LATS2: variants seen among roughly 807,000 people sequenced by gnomAD.
LATS2 encodes the protein serine/threonine-protein kinase LATS2.
LATS2 carries 24 observed loss-of-function variants against 76.0 expected under a neutral mutation model. That is an observed-to-expected ratio of 0.32 (90% CI 0.23 to 0.44). The LOEUF is 0.44. Ranked by LOEUF, LATS2 falls within the 20% of genes least tolerant of loss-of-function variation. LATS2 has a pLI of 1.00. For missense variants in LATS2, 1,286 were observed against 1,481.2 expected (o/e 0.87, Z 2.16); for synonymous variants, 692 against 635.4 (o/e 1.09, Z -1.34).
intron 2 of LATS2, among the ~76,000 whole-genome samples, chr13:21,037,646 G>C (rs1378097864): frequency 1.3e-5 from 2 of 152,146 alleles, no homozygotes; most frequent in African/African-American, 4.8e-5. Flanking sequence ...GAAAATTATG[G>C]TGTCACGGGA....
At chr13:21,005,187 T>C (rs1189114312) in intron 2 of LATS2, 1 of 152,174 alleles carries the variant, frequency 6.6e-6, no homozygotes, top group Admixed American at 6.5e-5. Flanking sequence ...AAACCCACTT[T>C]AAAAGAATGA....
chr13:21,055,637 C>T lies in LATS2; in HGVS notation c.-205+5709G>A, dbSNP rs552989811. On this transcript the variant is annotated intron_variant, in intron 1 of 7. Coordinates refer to ENST00000382592, the MANE Select transcript of LATS2 (RefSeq NM_014572.3). ...TCAAGAATTTTTATTCTAATTTATC[C>T]TAGTGCTTCACAAACCCACACTGGC... is the stretch of plus-strand genomic sequence containing the variant. 5.9e-5 allele frequency among the ~76,000 whole-genome samples: 9 copies of T among 152,246 alleles called. No homozygotes were observed. The South Asian group carries it at 1.9e-3, about 32-fold the overall frequency.
intron 2 of LATS2, among the ~76,000 whole-genome samples, chr13:21,034,809 G>A (rs1006353113): frequency 6.6e-6 from 1 of 152,096 alleles, no homozygotes; most frequent in East Asian, 1.9e-4. Context: ...CACAGTACAG[G>A]AAAGTCATCA....
chr13:21,028,912 A>G (rs989275875), intron 2 of LATS2, among the ~76,000 whole-genome samples: 1 of 152,162 alleles, frequency 6.6e-6, no homozygotes, highest in Non-Finnish European at 1.5e-5. Flanking sequence ...CAAAAAAACT[A>G]CTGATTTTTG....
At chr13:20,979,928 G>C (rs1463647951) in intron 6 of LATS2, 131 bp from the exon 7 acceptor site, 6 of 499,100 alleles carry the variant, frequency 1.2e-5, no homozygotes, top group Non-Finnish European at 1.8e-5. Context: ...CTGTGCGCAA[G>C]ATGGACCTAT....
At chr13:21,014,271 G>C (rs1235387271) in intron 2 of LATS2, among the ~76,000 whole-genome samples, 1 of 152,102 alleles carries the variant, frequency 6.6e-6, no homozygotes, top group Non-Finnish European at 1.5e-5. Flanking sequence ...TTCTCCCACA[G>C]ATGCCAGCAA....
chr13:21,034,561 G>A (rs1199098943), intron 2 of LATS2, among the ~76,000 whole-genome samples: 1 of 152,164 alleles, frequency 6.6e-6, no homozygotes, highest in Non-Finnish European at 1.5e-5. Context: ...GTGGCAGATA[G>A]AGAGAGAAGG....
chr13:21,030,591 CAA>C (rs374884189), intron 2 of LATS2, among the ~76,000 whole-genome samples: 2 of 25,726 alleles, frequency 7.8e-5, no homozygotes, highest in African/African-American at 2.1e-4. Context: ...GACTCCGTCT[CAA>C]AAAAAAAAAA....
chr13:21,040,368 C>A (rs930705669), intron 2 of LATS2, among the ~76,000 whole-genome samples: 3 of 146,650 alleles, frequency 2.0e-5, no homozygotes, highest in African/African-American at 7.8e-5. Flanking sequence ...CGGCGACAGA[C>A]CTTGTCTCAA....
chr13:21,055,125 T>G (rs1212651926), intron 1 of LATS2, among the ~76,000 whole-genome samples: 1 of 152,264 alleles, frequency 6.6e-6, no homozygotes, highest in Admixed American at 6.5e-5. Flanking sequence ...TTGAAGACAG[T>G]TGATTTCATG....
At chr13:21,056,938 A>C (rs1004744286) in intron 1 of LATS2, among the ~76,000 whole-genome samples, 1 of 152,236 alleles carries the variant, frequency 6.6e-6, no homozygotes, top group African/African-American at 2.4e-5. Context: ...GTGGGAGAGA[A>C]AGATGAACAA....
intron 1 of LATS2, among the ~76,000 whole-genome samples, chr13:21,058,502 T>C (rs112691033): frequency 5.9e-5 from 9 of 152,280 alleles, no homozygotes; most frequent in African/African-American, 2.2e-4. Flanking sequence ...AGGAATCTTA[T>C]TGTAAAATCA....
chr13:21,027,904 C>T (rs566069075), intron 2 of LATS2, among the ~76,000 whole-genome samples: 4 of 152,038 alleles, frequency 2.6e-5, no homozygotes, highest in African/African-American at 9.6e-5. Context: ...CATACTCTCT[C>T]CATTTATTTA....
intron 2 of LATS2, among the ~76,000 whole-genome samples, chr13:21,000,222 A>T (rs1870980852): frequency 6.6e-6 from 1 of 152,048 alleles, no homozygotes; most frequent in Non-Finnish European, 1.5e-5. Context: ...TCTACTAAAA[A>T]TATAAAAAAT....
chr13:20,988,197 G>A lies in LATS2; in HGVS notation c.1583C>T (p.Ser528Leu), dbSNP rs765917652. Residue 528 changes from serine to leucine, a missense_variant, in exon 4 of 8, where the codon TCG (serine) becomes TTG (leucine). Ser to Leu is a moderately radical substitution (Grantham distance 145). Around this residue, in one of 5 missense-constraint regions of LATS2, gnomAD observed 710 missense variants for 660.9 expected, o/e 1.07. Coordinates refer to ENST00000382592, the MANE Select transcript of LATS2 (RefSeq NM_014572.3). ...CAGGCTGTCCAGGTCGTACTGCTCC[G>A]ACTTGCTGCGCAGCAGCAGGTGCTT... ...YPKHLLLRSK[S>L]EQYDLDSLCA... 4 of 1,612,234 alleles carry A rather than the reference G, an allele frequency of 2.5e-6. No individual in the cohort carries two copies. The highest frequency in any genetic ancestry group is 4.5e-5 in the East Asian group (2 of 44,868).
intron 2 of LATS2, among the ~76,000 whole-genome samples, chr13:20,998,716 G>GT (rs1870880310): frequency 1.3e-5 from 2 of 151,838 alleles, no homozygotes; most frequent in South Asian, 4.2e-4. Context: ...TCTTGGGCAG[G>GT]TGGGGCCCCA....
chr13:21,031,387 T>C (rs1030091109), intron 2 of LATS2, among the ~76,000 whole-genome samples: 2 of 152,268 alleles, frequency 1.3e-5, no homozygotes, highest in Non-Finnish European at 2.9e-5. Flanking sequence ...AATTTTTTTC[T>C]ATGATTTTTG....
intron 2 of LATS2, among the ~76,000 whole-genome samples, chr13:21,038,906 C>T (rs920308638): frequency 1.3e-5 from 2 of 152,068 alleles, no homozygotes; most frequent in Admixed American, 6.6e-5. Flanking sequence ...CTTGAACCCG[C>T]GAGGCGGAGG....
rs550642106 is a variant in LATS2, at chr13:20,988,343, C to CGGGGCG, written c.1431_1436dup (p.Pro479_Ala480dup). ...CCTTGGCGTCCAAGCCCTCCGCAGC[C>CGGGGCG]GGGGCGGGGGCGGGGGCGGGGGCCG... is the stretch of plus-strand genomic sequence containing the variant. On this transcript the variant is annotated inframe_insertion, in exon 4 of 8. Transcript: ENST00000382592. 619,929 of 1,291,044 alleles carry CGGGGCG rather than the reference C, an allele frequency of 0.48. 160,962 individuals are homozygous for CGGGGCG. Among genetic ancestry groups the CGGGGCG allele is most frequent in the Non-Finnish European group, 0.51 (506,348 of 999,172 alleles). The allele number at this position is 1,291,044 out of a possible 1,614,324, so 80.0% of individuals were successfully genotyped here.
Sources: allele counts gnomAD v4.1 joint callset (sites outside exome capture counted in the v4.1 genomes callset), GRCh38; gene constraint gnomAD v4.1.1; regional missense constraint gnomAD v4.1.1; transcripts MANE v1.5; gene names NCBI Gene and HGNC (gene_info 2026-07-23, HGNC 2026-07-21).